HEPACAM: variants seen among roughly 807,000 people sequenced by gnomAD.
HEPACAM encodes the protein hepatic and glial cell adhesion molecule.
Under a neutral mutation model 38.3 loss-of-function variants are expected in HEPACAM, and 18 were observed. That is an observed-to-expected ratio of 0.47 (90% CI 0.33 to 0.70). HEPACAM has a LOEUF of 0.70. HEPACAM is among the 30% of genes least tolerant of loss of function. The pLI, the probability that HEPACAM is intolerant of heterozygous loss-of-function variation, is 0.03. For missense variants in HEPACAM, 466 were observed against 563.0 expected, an observed-to-expected ratio of 0.83 and a Z score of 1.74; for synonymous variants, 216 against 243.1, an observed-to-expected ratio of 0.89 and a Z score of 1.04.
At chr11:124,933,532 C>T (rs1360829977) in intron 1 of HEPACAM, among the ~76,000 whole-genome samples, 1 of 152,118 alleles carries the variant, frequency 6.6e-6, no homozygotes, top group Non-Finnish European at 1.5e-5. Context: ...TATCCTTGAT[C>T]ACCTTTTGTT....
At chr11:124,922,688 A>G (rs1947156651) in intron 5 of HEPACAM, 57 bp downstream of exon 5, 1 of 1,614,040 alleles carries the variant, frequency 6.2e-7, no homozygotes, top group African/African-American at 1.3e-5. Context: ...GCCTTTTCCC[A>G]GCAGCCCACT....
intron 1 of HEPACAM, 60 bp downstream of exon 1, chr11:124,935,862 G>A (rs928713285): frequency 4.9e-5 from 71 of 1,458,076 alleles, no homozygotes; most frequent in Non-Finnish European, 5.9e-5. Context: ...TCTCCCCTCC[G>A]TCTGCTGTAA....
Position 124,924,602 on chromosome 11 carries a change from T to G in HEPACAM, c.427+126A>C, listed in dbSNP as rs1254836278. Reference sequence around the variant, plus strand: ...CTGTCTGCCAACTTCTAATGTCCACTTGCCTCATTCTCAGCTCCCAAGTGC... The same window carrying G: ...CTGTCTGCCAACTTCTAATGTCCACGTGCCTCATTCTCAGCTCCCAAGTGC... On this transcript the variant is annotated intron_variant, in intron 2 of 6. Coordinates refer to ENST00000298251, the MANE Select transcript of HEPACAM (RefSeq NM_152722.5). The surrounding 1 kb of genome is among the most constrained non-coding windows in gnomAD (Gnocchi z 4.4). The G allele has an allele frequency of 1.2e-6, 1 of 838,744 alleles. No individual in the cohort carries two copies. Among genetic ancestry groups the G allele is most frequent in the Non-Finnish European group, 2.1e-6 (1 of 479,626 alleles). The allele number at this position is 838,744 out of a possible 1,614,324, so 52.0% of individuals were successfully genotyped here.
Position 124,924,539 on chromosome 11 carries a change from G to T in HEPACAM, c.427+189C>A. ...TGCAAAGCACTTAGAATAGTTTCTG[G>T]CACATGGCAATCACTCTACATGTTA... On this transcript the variant is annotated intron_variant, in intron 2 of 6. Coordinates refer to ENST00000298251, the MANE Select transcript of HEPACAM (RefSeq NM_152722.5). The surrounding 1 kb of genome is among the most constrained non-coding windows in gnomAD (Gnocchi z 4.4). 1 of 683,490 alleles carries T rather than the reference G, an allele frequency of 1.5e-6. No individual in the cohort carries two copies. The highest frequency in any genetic ancestry group is 2.7e-6 in the Non-Finnish European group (1 of 375,826). 42.3% of individuals were successfully genotyped at this position (683,490 alleles called of 1,614,324 possible).
At chr11:124,934,139 G>A (rs1947314635) in intron 1 of HEPACAM, among the ~76,000 whole-genome samples, 1 of 152,094 alleles carries the variant, frequency 6.6e-6, no homozygotes, top group African/African-American at 2.4e-5. Context: ...ATCTAAACAT[G>A]TATGATACTC....
Position 124,924,061 on chromosome 11 carries a change from CCCTT to C in HEPACAM, c.428-55_428-52del, listed in dbSNP as rs1284553207. 3 of 1,549,334 alleles carry C rather than the reference CCCTT, an allele frequency of 1.9e-6. No individual in the cohort carries two copies. The African/African-American group carries it at 4.1e-5, about 21-fold the overall frequency. ...GTAAGTCATTGGCTAAGAAGTGTCT[CCCTT>C]CCCCTTTTTAGCTCCCTGCCTTCCA... On this transcript the variant is annotated intron_variant, in intron 2 of 6. Coordinates refer to ENST00000298251, the MANE Select transcript of HEPACAM (RefSeq NM_152722.5). This position sits in a 1 kb window ranked among gnomAD's most constrained non-coding sequence, Gnocchi z 4.4.
In HEPACAM at chr11:124,921,371, A is replaced by G; in HGVS notation, c.1018T>C (p.Tyr340His). The change falls in exon 7 of 7, where the codon TAC becomes CAC. Residue 340 changes from tyrosine to histidine, a missense_variant. Physicochemically the swap from Tyr to His is moderately conservative, Grantham distance 83. Transcript: ENST00000298251. The surrounding 1 kb of genome is among the most constrained non-coding windows in gnomAD (Gnocchi z 4.6). ...CCGGGCACGGCGGGAGACACGGAGT[A>G]GCCGGGCGGGCCGGGCTCCGTCGCG... ...RSATEPGPPG[Y>H]SVSPAVPGRS... 7.9e-7 allele frequency: 1 copy of G among 1,272,360 alleles called. No individual in the cohort carries two copies. The highest frequency in any genetic ancestry group is 3.0e-5 in the South Asian group (1 of 33,398). 78.8% of individuals were successfully genotyped at this position (1,272,360 alleles called of 1,614,324 possible). A position where few individuals can be genotyped will look rare whatever the true frequency, so the allele number is the denominator to read the frequency against.
chr11:124,932,340 T>A (rs1947289806), intron 1 of HEPACAM, among the ~76,000 whole-genome samples: 1 of 152,178 alleles, frequency 6.6e-6, no homozygotes, highest in African/African-American at 2.4e-5. Context: ...ATAGTTCTTG[T>A]ATTCCAGAGA....
chr11:124,924,654 AGCTGGTGC>A lies in HEPACAM; in HGVS notation c.427+66_427+73del. 7.3e-7 allele frequency: 1 copy of A among 1,378,406 alleles called. No individual in the cohort carries two copies. Among genetic ancestry groups the A allele is most frequent in the South Asian group, 1.2e-5 (1 of 86,046 alleles). The allele number at this position is 1,378,406 out of a possible 1,614,324, so 85.4% of individuals were successfully genotyped here. A position where few individuals can be genotyped will look rare whatever the true frequency, so the allele number is the denominator to read the frequency against. ...TTTTGGGTTGGTTTTCCCTCAGTCTAGCTGGTGCGCTGGGCAGACCTTTCCCTAGTCCC... is the reference window on the plus strand; with the variant it reads ...TTTTGGGTTGGTTTTCCCTCAGTCTAGCTGGGCAGACCTTTCCCTAGTCCC... On this transcript the variant is annotated intron_variant, in intron 2 of 6. Transcript: ENST00000298251. The surrounding 1 kb of genome is among the most constrained non-coding windows in gnomAD (Gnocchi z 4.4).
At chr11:124,933,283 C>T (rs1947301624) in intron 1 of HEPACAM, among the ~76,000 whole-genome samples, 1 of 152,020 alleles carries the variant, frequency 6.6e-6, no homozygotes, top group African/African-American at 2.4e-5. Flanking sequence ...GCAATCCTCC[C>T]ACCTCAGCCT....
chr11:124,921,079 C>T lies in HEPACAM; in HGVS notation c.*59G>A. ...CCGCGCCCGGGCTTCCCAGCCCCAG[C>T]TTTCCCCCGGGCCACTGGCCGCAGA... is the stretch of plus-strand genomic sequence containing the variant. On this transcript the variant is annotated 3_prime_UTR_variant, in exon 7 of 7. Coordinates refer to ENST00000298251, the MANE Select transcript of HEPACAM (RefSeq NM_152722.5). The surrounding 1 kb of genome is among the most constrained non-coding windows in gnomAD (Gnocchi z 4.6). The T allele has an allele frequency of 6.6e-7, 1 of 1,506,978 alleles. No homozygotes were observed. Among genetic ancestry groups the T allele is most frequent in the African/African-American group, 1.4e-5 (1 of 70,452 alleles). 93.4% of individuals were successfully genotyped at this position (1,506,978 alleles called of 1,614,324 possible). A position where few individuals can be genotyped will look rare whatever the true frequency, so the allele number is the denominator to read the frequency against.
intron 1 of HEPACAM, among the ~76,000 whole-genome samples, chr11:124,934,820 G>A (rs1324295298): frequency 1.3e-5 from 2 of 152,070 alleles, no homozygotes; most frequent in African/African-American, 4.8e-5. Flanking sequence ...GACTGAGTAA[G>A]CTATCTGAAA....
In HEPACAM at chr11:124,921,026, C is replaced by A. The variant is rs10893303; in HGVS notation, c.*112G>T. The A allele has an allele frequency of 0.3, 419,795 of 1,400,080 alleles. 66,005 individuals are homozygous for A. Among genetic ancestry groups the A allele is most frequent in the Non-Finnish European group, 0.32 (350,594 of 1,079,796 alleles). 86.7% of individuals were successfully genotyped at this position (1,400,080 alleles called of 1,614,324 possible). A position where few individuals can be genotyped will look rare whatever the true frequency, so the allele number is the denominator to read the frequency against. ...TTCACACCCGAGACACCAGCGCCCC[C>A]CCGGGACCTCCCCTCGTCCCCAGCG... On this transcript the variant is annotated 3_prime_UTR_variant, in exon 7 of 7. Transcript: ENST00000298251. The surrounding 1 kb of genome is among the most constrained non-coding windows in gnomAD (Gnocchi z 4.6).
chr11:124,933,533 A>G (rs1947306184), intron 1 of HEPACAM, among the ~76,000 whole-genome samples: 1 of 151,954 alleles, frequency 6.6e-6, no homozygotes, highest in Non-Finnish European at 1.5e-5. Flanking sequence ...ATCCTTGATC[A>G]CCTTTTGTTT....
At chr11:124,926,866 C>CA (rs1291319846) in intron 1 of HEPACAM, among the ~76,000 whole-genome samples, 7 of 149,894 alleles carry the variant, frequency 4.7e-5, no homozygotes, top group African/African-American at 7.3e-5. Flanking sequence ...AAGAACAAAG[C>CA]AAAAAAAAAA....
chr11:124,926,579 G>A (rs572378983), intron 1 of HEPACAM, among the ~76,000 whole-genome samples: 9 of 152,304 alleles, frequency 5.9e-5, no homozygotes, highest in Non-Finnish European at 1.3e-4. Flanking sequence ...CCACCCGAAG[G>A]AGGGTCTTCT....
chr11:124,930,050 T>TG (rs1470094701), intron 1 of HEPACAM, among the ~76,000 whole-genome samples: 1 of 152,224 alleles, frequency 6.6e-6, no homozygotes, highest in Non-Finnish European at 1.5e-5. Context: ...TGGTTTAGTT[T>TG]GGGTCTGTCA....
intron 1 of HEPACAM, among the ~76,000 whole-genome samples, chr11:124,930,951 A>G (rs1947274975): frequency 6.6e-6 from 1 of 152,220 alleles, no homozygotes; most frequent in Non-Finnish European, 1.5e-5. Flanking sequence ...CTTATAAAGG[A>G]CACGAAAGTG....
At position 124,922,789 on chromosome 11, in the gene HEPACAM, G is replaced by A. The variant is rs978340175; in HGVS notation, c.833C>T (p.Ser278Phe). The A allele has an allele frequency of 6.2e-7, 1 of 1,614,200 alleles. No individual in the cohort carries two copies. The highest frequency in any genetic ancestry group is 1.1e-5 in the South Asian group (1 of 91,082). Residue 278 changes from serine to phenylalanine, a missense_variant, in exon 5 of 7, where the codon TCC (serine) becomes TTC (phenylalanine). Coordinates refer to ENST00000298251, the MANE Select transcript of HEPACAM (RefSeq NM_152722.5). ...RKQKKLEKQNSLEYMDQNDDR... is the reference protein window; with the variant it reads ...RKQKKLEKQNFLEYMDQNDDR... ...ATCATTCTGATCCATGTATTCCAGG[G>A]AGTTTTGCTTTTCTAGCTTCTTCTG...
Sources: gnomAD v4.1 joint callset for allele counts (sites outside exome capture counted in the v4.1 genomes callset) on GRCh38, gnomAD v4.1.1 for gene constraint, Gnocchi (gnomAD v3.1) non-coding constraint, MANE v1.5 for transcripts, NCBI Gene and HGNC (gene_info 2026-07-23, HGNC 2026-07-21) for gene names.